LOC400499: variants seen among roughly 807,000 people sequenced by gnomAD.
the LOC400499 span, chr16:11,447,804 C>T: frequency 3.9e-6 from 5 of 1,265,930 alleles, no homozygotes; most frequent in South Asian, 8.7e-5. Flanking sequence ...ATTTAGGTTC[C>T]ATCTGGGCCC....
chr16:11,428,619 G>A, the LOC400499 span, among the ~76,000 whole-genome samples: 5 of 152,164 alleles, frequency 3.3e-5, no homozygotes, highest in African/African-American at 4.8e-5. Flanking sequence ...GCATTCGGCC[G>A]GCTTCTTTAC....
chr16:11,398,374 G>A, the LOC400499 span: 1 of 1,232,280 alleles, frequency 8.1e-7, no homozygotes, highest in Non-Finnish European at 1.0e-6. Context: ...AGCCCCAGGT[G>A]GAGGGAGTGC....
chr16:11,398,123 A>G, the LOC400499 span, among the ~76,000 whole-genome samples: 1 of 152,090 alleles, frequency 6.6e-6, no homozygotes, highest in East Asian at 1.9e-4. Context: ...TCTCACCATC[A>G]CTCTACGTCC....
chr16:11,488,415 T>C, the LOC400499 span, among the ~76,000 whole-genome samples: 1 of 152,124 alleles, frequency 6.6e-6, no homozygotes, highest in African/African-American at 2.4e-5. Flanking sequence ...TTTGTTGTTG[T>C]TGTTTGTTTG....
At chr16:11,400,635 T>A in the LOC400499 span, among the ~76,000 whole-genome samples, 2 of 152,076 alleles carry the variant, frequency 1.3e-5, no homozygotes, top group Admixed American at 6.6e-5. Context: ...GAGACAGGAT[T>A]TCGCCATGTT....
chr16:11,380,033 A>C, the LOC400499 span, among the ~76,000 whole-genome samples: 1 of 152,090 alleles, frequency 6.6e-6, no homozygotes, highest in African/African-American at 2.4e-5. Context: ...TCACAGCTCA[A>C]TGTAACCTCA....
chr16:11,459,998 G>A, the LOC400499 span: 2 of 1,507,932 alleles, frequency 1.3e-6, no homozygotes. Flanking sequence ...GCTTCCCGTA[G>A]CTCACCTCCA....
At chr16:11,471,376 G>C in the LOC400499 span, 4,595 of 312,914 alleles carry the variant, frequency 0.015, 52 homozygotes, top group Middle Eastern at 0.036. Flanking sequence ...CTTACGGCAA[G>C]TCACAAAAGA....
the LOC400499 span, chr16:11,459,766 G>C: frequency 1.0e-6 from 1 of 962,260 alleles, no homozygotes; most frequent in East Asian, 3.3e-5. Context: ...AAAAGGGAAA[G>C]TCACCAAGGC....
the LOC400499 span, chr16:11,430,970 G>A: frequency 1.0e-5 from 4 of 398,644 alleles, no homozygotes; most frequent in Admixed American, 4.4e-5. Context: ...GGGTGGAAAT[G>A]AATCTACCTT....
the LOC400499 span, among the ~76,000 whole-genome samples, chr16:11,440,527 G>C: frequency 1.3e-5 from 2 of 152,172 alleles, no homozygotes; most frequent in East Asian, 1.9e-4. Flanking sequence ...CTTTCACAAA[G>C]AGCCAAACAT....
At chr16:11,401,314 G>A in the LOC400499 span, 14 of 399,244 alleles carry the variant, frequency 3.5e-5, no homozygotes, top group South Asian at 1.3e-4. Context: ...CACTGGCCTC[G>A]GCTTGCCGCC....
the LOC400499 span, among the ~76,000 whole-genome samples, chr16:11,497,226 C>T: frequency 2.0e-5 from 3 of 152,096 alleles, no homozygotes; most frequent in South Asian, 2.1e-4. Context: ...TGTGTGTACA[C>T]GTGCGCTCAG....
At chr16:11,499,501 G>C in the LOC400499 span, among the ~76,000 whole-genome samples, 1 of 152,072 alleles carries the variant, frequency 6.6e-6, no homozygotes, top group African/African-American at 2.4e-5. Flanking sequence ...ATCTGGGCCT[G>C]GCTCTGAGTC....
chr16:11,429,853 C>A, the LOC400499 span, among the ~76,000 whole-genome samples: 1 of 151,920 alleles, frequency 6.6e-6, no homozygotes, highest in Non-Finnish European at 1.5e-5. Flanking sequence ...CAGACTCAGA[C>A]AAGCATCATC....
At chr16:11,402,308 A>C in the LOC400499 span, 1 of 396,712 alleles carries the variant, frequency 2.5e-6, no homozygotes, top group Non-Finnish European at 4.4e-6. Context: ...AATTTTCACA[A>C]AACTCAGAAG....
At chr16:11,490,723 A>C in the LOC400499 span, among the ~76,000 whole-genome samples, 11 of 152,348 alleles carry the variant, frequency 7.2e-5, no homozygotes, top group South Asian at 2.3e-3. Context: ...AAAACAAAAA[A>C]GCCAAGAGCA....
At chr16:11,517,306 G>C in the LOC400499 span, among the ~76,000 whole-genome samples, 1 of 152,042 alleles carries the variant, frequency 6.6e-6, no homozygotes, top group East Asian at 1.9e-4. Flanking sequence ...CAGCACTCTG[G>C]GGAGCCTTCA....
chr16:11,380,088 G>A, the LOC400499 span, among the ~76,000 whole-genome samples: 1 of 152,106 alleles, frequency 6.6e-6, no homozygotes, highest in African/African-American at 2.4e-5. Context: ...GAGACTACAA[G>A]TGCATGCCAC....
Sources: allele counts gnomAD v4.1 joint callset (sites outside exome capture counted in the v4.1 genomes callset), GRCh38; gene constraint gnomAD v4.1.1; transcripts MANE v1.5.